Variants in PIBF1 observed in about 807,000 individuals in gnomAD.
PIBF1 encodes progesterone-induced-blocking factor 1.
Under a neutral mutation model 112.5 loss-of-function variants are expected in PIBF1, and 90 were observed. That is an observed-to-expected ratio of 0.80 (90% CI 0.67 to 0.95). PIBF1 has a LOEUF of 0.95. Among genes scored for constraint, PIBF1 ranks in the 40% least tolerant of loss-of-function variants. The probability of loss-of-function intolerance (pLI) is 0.00; values close to 1 mark genes in which losing one functional copy is unlikely to be tolerated. For missense variants in PIBF1, 915 were observed against 852.3 expected (o/e 1.07, Z -0.92); for synonymous variants, 301 against 288.6 (o/e 1.04, Z -0.44).
At chr13:72,840,516 C>G (rs184517929) in intron 9 of PIBF1, among the ~76,000 whole-genome samples, 86 of 151,302 alleles carry the variant, frequency 5.7e-4, no homozygotes, top group African/African-American at 2.0e-3. Flanking sequence ...TATCTCTCCC[C>G]CAATAAACTT....
At chr13:72,880,300 C>T (rs1382629171) in intron 10 of PIBF1, among the ~76,000 whole-genome samples, 1 of 152,156 alleles carries the variant, frequency 6.6e-6, no homozygotes, top group African/African-American at 2.4e-5. Flanking sequence ...TAGAACATCT[C>T]ATGGTTTATA....
chr13:72,795,675 A>G (rs1314144814), intron 4 of PIBF1, 118 bp downstream of exon 4: 14 of 654,774 alleles, frequency 2.1e-5, no homozygotes, highest in Non-Finnish European at 3.4e-5. Flanking sequence ...ATGGCTATGG[A>G]TGGTGAATGG....
At chr13:72,985,589 A>G (rs2043263232) in intron 16 of PIBF1, among the ~76,000 whole-genome samples, 1 of 152,168 alleles carries the variant, frequency 6.6e-6, no homozygotes, top group East Asian at 1.9e-4. Flanking sequence ...CCAGGAGACA[A>G]TATTAACAAT....
intron 17 of PIBF1, among the ~76,000 whole-genome samples, chr13:73,015,484 GTAAT>G (rs1451044428): frequency 1.3e-5 from 2 of 152,104 alleles, no homozygotes; most frequent in Non-Finnish European, 2.9e-5. Flanking sequence ...TTTGGATACA[GTAAT>G]TATTTAATAA....
intron 10 of PIBF1, among the ~76,000 whole-genome samples, chr13:72,888,727 GA>G (rs1212209434): frequency 1.3e-5 from 2 of 150,924 alleles, no homozygotes; most frequent in African/African-American, 4.9e-5. Flanking sequence ...CAGTCTACAT[GA>G]AAAAAGGAAG....
chr13:72,921,489 T>C (rs1193854257), intron 13 of PIBF1, among the ~76,000 whole-genome samples: 2 of 152,188 alleles, frequency 1.3e-5, no homozygotes, highest in African/African-American at 2.4e-5. Context: ...TATACAGATA[T>C]ATATATATAC....
rs893372285 is a variant in PIBF1 at position 73,016,101 on chromosome 13, A to AT, written c.*191dup. 290 of 271,206 alleles carry AT rather than the reference A, an allele frequency of 1.1e-3. No individual in the cohort carries two copies. The highest frequency in any genetic ancestry group is 1.2e-3 in the Middle Eastern group (1 of 856). The allele number at this position is 271,206 out of a possible 1,614,324, so 16.8% of individuals were successfully genotyped here. Reference sequence around the variant, plus strand: ...GTGTAAAGAACAATCAATATACTTTATTTTTTTTTCTATTTTATAAAATAA... The same window carrying AT: ...GTGTAAAGAACAATCAATATACTTTATTTTTTTTTTCTATTTTATAAAATAA... On this transcript the variant is annotated 3_prime_UTR_variant, in exon 18 of 18. Coordinates refer to ENST00000326291, the MANE Select transcript of PIBF1 (RefSeq NM_006346.4).
chr13:72,994,965 CAT>C (rs1051698799), intron 16 of PIBF1, among the ~76,000 whole-genome samples: 7 of 152,194 alleles, frequency 4.6e-5, no homozygotes, highest in African/African-American at 1.7e-4. Flanking sequence ...CGGTGTAAGA[CAT>C]ATTCAAATAC....
At chr13:72,974,740 G>A (rs1594299868) in intron 16 of PIBF1, among the ~76,000 whole-genome samples, 1 of 152,084 alleles carries the variant, frequency 6.6e-6, no homozygotes, top group African/African-American at 2.4e-5. Context: ...GGACATCTCC[G>A]AATAAAATAT....
intron 5 of PIBF1, among the ~76,000 whole-genome samples, chr13:72,804,541 C>G (rs1337781391): frequency 6.6e-6 from 1 of 152,068 alleles, no homozygotes; most frequent in Non-Finnish European, 1.5e-5. Context: ...CGCCTGTCAC[C>G]TTAGGGGAGA....
chr13:72,893,518 A>G (rs1423070155), intron 10 of PIBF1, among the ~76,000 whole-genome samples: 2 of 152,156 alleles, frequency 1.3e-5, no homozygotes, highest in Non-Finnish European at 2.9e-5. Context: ...TGCTCTTGCC[A>G]TTTACAAAAT....
chr13:72,934,798 A>G (rs970150427), intron 14 of PIBF1, among the ~76,000 whole-genome samples: 5 of 152,192 alleles, frequency 3.3e-5, no homozygotes, highest in African/African-American at 1.2e-4. Flanking sequence ...CATTTGGCAC[A>G]TGAATATACC....
At chr13:72,865,416 T>C (rs1254000884) in intron 10 of PIBF1, among the ~76,000 whole-genome samples, 1 of 152,216 alleles carries the variant, frequency 6.6e-6, no homozygotes, top group Non-Finnish European at 1.5e-5. Context: ...TTTACATAGT[T>C]GCCAGCTCTG....
At position 72,869,146 on chromosome 13, in the gene PIBF1, G is replaced by T. The variant is rs12583739; in HGVS notation, c.1322+14991G>T. On this transcript the variant is annotated intron_variant, in intron 10 of 17. Coordinates refer to ENST00000326291, the MANE Select transcript of PIBF1 (RefSeq NM_006346.4). ...TACCCAAAGGACTATAATTCATGCT[G>T]CTATAAAGACACATGCACACGTATG... Among the ~76,000 whole-genome samples the T allele has an allele frequency of 5.9e-5, 9 of 152,204 alleles. No individual in the cohort carries two copies. The East Asian group carries it at 1.7e-3, about 29-fold the overall frequency.
At chr13:72,860,666 T>G (rs1347410937) in intron 10 of PIBF1, among the ~76,000 whole-genome samples, 1 of 152,178 alleles carries the variant, frequency 6.6e-6, no homozygotes, top group Non-Finnish European at 1.5e-5. Context: ...TTTTCATTTA[T>G]GTTAGAAGTT....
intron 12 of PIBF1, among the ~76,000 whole-genome samples, chr13:72,909,876 T>C (rs1335691813): frequency 4.6e-5 from 7 of 152,190 alleles, no homozygotes; most frequent in Non-Finnish European, 8.8e-5. Flanking sequence ...GTTTTCCTTT[T>C]TTCTTGTTTT....
chr13:72,787,805 C>A (rs149248657), intron 2 of PIBF1, among the ~76,000 whole-genome samples: 60 of 152,126 alleles, frequency 3.9e-4, no homozygotes, highest in Admixed American at 3.5e-3. Flanking sequence ...ACTGTAGGCC[C>A]GTGCCACAAC....
chr13:72,858,023 T>TTGCTTTTTGTG (rs71099760), intron 10 of PIBF1, among the ~76,000 whole-genome samples: 36,100 of 141,010 alleles, frequency 0.26, 4,681 homozygotes, highest in Middle Eastern at 0.31. Context: ...CAAATGTACA[T>TTGCTTTTTGTG]TGTGTGTGTG....
intron 11 of PIBF1, among the ~76,000 whole-genome samples, chr13:72,905,209 A>G (rs1011864937): frequency 6.6e-6 from 1 of 152,014 alleles, no homozygotes; most frequent in African/African-American, 2.4e-5. Context: ...CTGGGATTAC[A>G]TGCACGCACC....
Sources: gnomAD v4.1 joint callset for allele counts (sites outside exome capture counted in the v4.1 genomes callset) on GRCh38, gnomAD v4.1.1 for gene constraint, MANE v1.5 for transcripts, NCBI Gene and HGNC (gene_info 2026-07-23, HGNC 2026-07-21) for gene names.